EPS15: variants seen among roughly 807,000 people sequenced by gnomAD.
The protein encoded by EPS15 is epidermal growth factor receptor substrate 15.
In EPS15, 72 loss-of-function variants were observed where a neutral mutation model predicts 113.8. That is an observed-to-expected ratio of 0.63 (90% confidence interval 0.52 to 0.77). The LOEUF (loss-of-function observed/expected upper bound fraction) is 0.77, where lower values mean the gene tolerates loss of function less well. EPS15 is among the 30% of genes least tolerant of loss of function. EPS15 has a pLI of 0.00. For missense variants in EPS15, 1,048 were observed against 1,045.8 expected (o/e 1.00, Z -0.03); for synonymous variants, 344 against 363.4 (o/e 0.95, Z 0.61).
chr1:51,384,804 T>C (rs984907894), intron 21 of EPS15, among the ~76,000 whole-genome samples: 1 of 152,100 alleles, frequency 6.6e-6, no homozygotes, highest in African/African-American at 2.4e-5. Context: ...ACATATATGG[T>C]CAAATGATTT....
At chr1:51,451,111 T>C (rs1383042904) in intron 8 of EPS15, among the ~76,000 whole-genome samples, 2 of 151,844 alleles carry the variant, frequency 1.3e-5, no homozygotes, top group Non-Finnish European at 2.9e-5. Context: ...TGAAAAAGTA[T>C]AGTGTTGAAC....
intron 22 of EPS15, among the ~76,000 whole-genome samples, chr1:51,364,526 C>T (rs1181640194): frequency 6.6e-6 from 1 of 150,406 alleles, no homozygotes; most frequent in Non-Finnish European, 1.5e-5. Context: ...ATTTAAAAGG[C>T]AGGAGTCTCC....
intron 1 of EPS15, among the ~76,000 whole-genome samples, chr1:51,518,134 T>C (rs998164888): frequency 3.3e-5 from 5 of 151,918 alleles, no homozygotes; most frequent in Admixed American, 2.6e-4. Context: ...GGGGGAGAGT[T>C]TGGGTCACAG....
chr1:51,392,222 C>G (rs1277868042), intron 21 of EPS15, among the ~76,000 whole-genome samples: 1 of 152,196 alleles, frequency 6.6e-6, no homozygotes, highest in Non-Finnish European at 1.5e-5. Flanking sequence ...CTTTAACCTT[C>G]TGAAAACTGT....
In EPS15 at chr1:51,400,953, C is replaced by A. The variant is rs945250376; in HGVS notation, c.1883G>T (p.Ser628Ile). 1.3e-6 allele frequency: 2 copies of A among 1,579,276 alleles called. No individual in the cohort carries two copies. The highest frequency in any genetic ancestry group is 2.7e-5 in the African/African-American group (2 of 73,316). ...AAAAGGATCATCCTTGAAAGGATCA[C>A]CTGTGATAAAATAAACACAAAGAAA... ...DFFQSDPFVG[S>I]DPFKDDPFGK... The change falls in exon 19 of 25, where the codon AGT (serine) becomes ATT (isoleucine). Residue 628 changes from serine to isoleucine, a missense_variant and splice_region_variant. Coordinates refer to ENST00000371733, the MANE Select transcript of EPS15 (RefSeq NM_001981.3).
intron 2 of EPS15, among the ~76,000 whole-genome samples, chr1:51,480,472 G>A (rs1348647467): frequency 2.6e-5 from 4 of 152,170 alleles, no homozygotes; most frequent in African/African-American, 9.7e-5. Flanking sequence ...ATTGTCTGGT[G>A]AAGTATGTAA....
chr1:51,502,297 T>C (rs1370089355), intron 1 of EPS15, among the ~76,000 whole-genome samples: 1 of 152,098 alleles, frequency 6.6e-6, no homozygotes, highest in African/African-American at 2.4e-5. Context: ...AGAAACCCCT[T>C]CTTCCTCATT....
At chr1:51,500,627 T>G (rs993895117) in intron 1 of EPS15, among the ~76,000 whole-genome samples, 6 of 152,094 alleles carry the variant, frequency 3.9e-5, no homozygotes, top group Non-Finnish European at 8.8e-5. Flanking sequence ...GCAATCCTCC[T>G]GCCTCAGCCT....
intron 2 of EPS15, among the ~76,000 whole-genome samples, chr1:51,476,274 A>T (rs1356380679): frequency 6.6e-6 from 1 of 152,158 alleles, no homozygotes; most frequent in Non-Finnish European, 1.5e-5. Context: ...GATGGCACTG[A>T]ATCTAAATTA....
chr1:51,471,905 C>G (rs184399855), intron 3 of EPS15, among the ~76,000 whole-genome samples, 168 bp from the exon 4 acceptor site: 149 of 152,264 alleles, frequency 9.8e-4, no homozygotes, highest in African/African-American at 3.6e-3. Context: ...GCAAACTTGT[C>G]CAACTTGCAG....
At chr1:51,494,035 C>T (rs1452577239) in intron 1 of EPS15, among the ~76,000 whole-genome samples, 1 of 152,164 alleles carries the variant, frequency 6.6e-6, no homozygotes, top group Non-Finnish European at 1.5e-5. Flanking sequence ...TTCTCTACCC[C>T]AACCCTACAT....
chr1:51,387,505 A>G (rs1647117040), intron 21 of EPS15, among the ~76,000 whole-genome samples: 1 of 152,344 alleles, frequency 6.6e-6, no homozygotes, highest in East Asian at 1.9e-4. Context: ...AAATGCTCCA[A>G]TTAAAAGACA....
At chr1:51,374,844 C>T (rs1445188099) in intron 21 of EPS15, among the ~76,000 whole-genome samples, 1 of 151,972 alleles carries the variant, frequency 6.6e-6, no homozygotes, top group Non-Finnish European at 1.5e-5. Flanking sequence ...GCTGGAATTA[C>T]AGGTGCATGC....
intron 8 of EPS15, among the ~76,000 whole-genome samples, chr1:51,459,919 C>T (rs1557490747): frequency 1.3e-5 from 2 of 151,616 alleles, no homozygotes; most frequent in Non-Finnish European, 2.9e-5. Flanking sequence ...ACTGAAGAAA[C>T]ATAATACTCA....
chr1:51,497,788 C>A (rs1644349745), intron 1 of EPS15, among the ~76,000 whole-genome samples: 1 of 151,968 alleles, frequency 6.6e-6, no homozygotes, highest in Non-Finnish European at 1.5e-5. Context: ...ACCGTCCTGG[C>A]CAACATGGTG....
At chr1:51,428,340 A>G (rs2148458399) in intron 12 of EPS15, among the ~76,000 whole-genome samples, 1 of 152,348 alleles carries the variant, frequency 6.6e-6, no homozygotes, top group African/African-American at 2.4e-5. Flanking sequence ...ACATGGACAA[A>G]TGTAAAAACC....
intron 1 of EPS15, among the ~76,000 whole-genome samples, chr1:51,513,719 AG>A (rs1644666637): frequency 6.6e-6 from 1 of 152,216 alleles, no homozygotes. Context: ...TGATAATAAT[AG>A]CTTAGTTCAT....
intron 21 of EPS15, among the ~76,000 whole-genome samples, chr1:51,368,203 C>T (rs539078505): frequency 5.3e-5 from 8 of 152,220 alleles, no homozygotes; most frequent in South Asian, 2.1e-4. Flanking sequence ...TGTGCCTATC[C>T]GCCCATTTGA....
At chr1:51,449,911 C>T (rs1256620689) in intron 8 of EPS15, among the ~76,000 whole-genome samples, 2 of 151,750 alleles carry the variant, frequency 1.3e-5, no homozygotes, top group African/African-American at 4.9e-5. Flanking sequence ...ACTCCAAGTG[C>T]AGGGCAGCTT....
Sources: allele counts gnomAD v4.1 joint callset (sites outside exome capture counted in the v4.1 genomes callset), GRCh38; gene constraint gnomAD v4.1.1; transcripts MANE v1.5; gene names NCBI Gene and HGNC (gene_info 2026-07-23, HGNC 2026-07-21).